LRP2: variants seen among roughly 807,000 people sequenced by gnomAD.
LRP2 encodes the protein low-density lipoprotein receptor-related protein 2.
In LRP2, 172 loss-of-function variants were observed where a neutral mutation model predicts 531.0. That is an observed-to-expected ratio of 0.32 (90% CI 0.29 to 0.37). The LOEUF (loss-of-function observed/expected upper bound fraction) is 0.37, where lower values mean the gene tolerates loss of function less well. LRP2 is among the 10% of genes least tolerant of loss of function. LRP2 has a pLI of 1.00. For missense variants in LRP2, 5,167 were observed against 5,868.3 expected (o/e 0.88, Z 3.90); for synonymous variants, 1,992 against 2,027.6 (o/e 0.98, Z 0.47).
chr2:169,245,168 C>A (rs1027955195), intron 21 of LRP2, among the ~76,000 whole-genome samples: 5 of 152,180 alleles, frequency 3.3e-5, no homozygotes, highest in African/African-American at 1.2e-4. Flanking sequence ...CATATAAGTT[C>A]TCTTTAAATC....
chr2:169,186,048 C>A (rs906330106), intron 49 of LRP2, 29 bp from the exon 50 acceptor site: 1 of 1,604,580 alleles, frequency 6.2e-7, no homozygotes, highest in South Asian at 1.1e-5. Flanking sequence ...TCTTAGAGAT[C>A]CTAAAATATC....
chr2:169,197,785 C>T (rs149627025), intron 45 of LRP2, among the ~76,000 whole-genome samples: 295 of 152,292 alleles, frequency 1.9e-3, no homozygotes, highest in African/African-American at 6.4e-3. Context: ...CTGGTGGCTG[C>T]AACCTGAATT....
chr2:169,142,867 C>T, intron 70 of LRP2, 74 bp from the exon 71 acceptor site: 3 of 1,577,016 alleles, frequency 1.9e-6, no homozygotes, highest in Non-Finnish European at 2.6e-6. Flanking sequence ...CTGGAAGTGG[C>T]TCTGCCAGGT....
intron 3 of LRP2, among the ~76,000 whole-genome samples, chr2:169,310,785 C>T (rs1559069423): frequency 6.6e-6 from 1 of 152,178 alleles, no homozygotes; most frequent in Non-Finnish European, 1.5e-5. Context: ...GGTACCAGCT[C>T]CTCCTTGTAC....
At chr2:169,139,677 C>T in intron 72 of LRP2, 67 bp from the exon 73 acceptor site, 1 of 1,357,294 alleles carries the variant, frequency 7.4e-7, no homozygotes, top group Non-Finnish European at 1.1e-6. Context: ...TTTTTCTGAG[C>T]ACATCCTGAA....
intron 29 of LRP2, among the ~76,000 whole-genome samples, chr2:169,233,963 C>G (rs1037847965): frequency 6.6e-6 from 1 of 152,176 alleles, no homozygotes; most frequent in Non-Finnish European, 1.5e-5. Context: ...CCCACTCCCA[C>G]GCCCCAGCCT....
In LRP2 at chr2:169,278,433, G is replaced by A. The variant is rs1167685121; in HGVS notation, c.1566-482C>T. 2.0e-5 allele frequency among the ~76,000 whole-genome samples: 3 copies of A among 151,906 alleles called. No individual in the cohort carries two copies. In the East Asian group the frequency reaches 5.8e-4, roughly 29 times the overall value. On this transcript the variant is annotated intron_variant, in intron 12 of 78. Transcript: ENST00000649046. ...CAGAAGTTCAAGTCTGCGGCACGCTGTGATTGTGCTGCTGCACTCCAGCCT... is the reference window on the plus strand; with the variant it reads ...CAGAAGTTCAAGTCTGCGGCACGCTATGATTGTGCTGCTGCACTCCAGCCT...
intron 1 of LRP2, among the ~76,000 whole-genome samples, chr2:169,354,575 T>C (rs529624402): frequency 1.3e-5 from 2 of 152,338 alleles, no homozygotes; most frequent in South Asian, 4.1e-4. Flanking sequence ...AAGACTTACA[T>C]TTCTTTGCAC....
intron 40 of LRP2, among the ~76,000 whole-genome samples, 176 bp from the exon 41 acceptor site, chr2:169,205,813 C>T (rs111495837): frequency 2.0e-5 from 3 of 152,008 alleles, no homozygotes; most frequent in Non-Finnish European, 2.9e-5. Context: ...TGTTGACTTC[C>T]TAGTATGTTG....
chr2:169,234,324 G>A (rs140688245), intron 29 of LRP2, among the ~76,000 whole-genome samples: 2,786 of 152,040 alleles, frequency 0.018, 87 homozygotes, highest in African/African-American at 0.064. Context: ...AGGCCCCGGT[G>A]TGTGATGTTC....
In LRP2 at chr2:169,290,799, G is replaced by GA. The variant is rs1438462254; in HGVS notation, c.922+45dup. 1.9e-6 allele frequency: 3 copies of GA among 1,599,270 alleles called. No homozygotes were observed. The Admixed American group carries it at 5.0e-5, about 27-fold the overall frequency. ...ATTTGAACGTCTGTTCTAGAAAACA[G>GA]AAATATCTTTATCTGAAAGCTACCC... On this transcript the variant is annotated intron_variant, in intron 8 of 78. Coordinates refer to ENST00000649046, the MANE Select transcript of LRP2 (RefSeq NM_004525.3).
intron 1 of LRP2, among the ~76,000 whole-genome samples, chr2:169,342,801 A>T (rs538456141): frequency 3.0e-4 from 45 of 152,342 alleles, no homozygotes; most frequent in African/African-American, 9.1e-4. Context: ...GCTTGCAATA[A>T]ACGTGTGTGA....
chr2:169,200,250 C>CA (rs1390585481), intron 44 of LRP2, among the ~76,000 whole-genome samples: 3 of 151,820 alleles, frequency 2.0e-5, no homozygotes, highest in Admixed American at 6.6e-5. Flanking sequence ...GACTCCATCT[C>CA]AAAAAAATAA....
chr2:169,213,657 T>C lies in LRP2; in HGVS notation c.6040A>G (p.Asn2014Asp), dbSNP rs1688676017. The C allele has an allele frequency of 1.2e-6, 2 of 1,610,824 alleles. No individual in the cohort carries two copies. Among genetic ancestry groups the C allele is most frequent in the African/African-American group, 1.3e-5 (1 of 74,814 alleles). ...ATGTATTTCAGTGACAAATACTTAC[T>C]GCGTCTGTGATAAACTTGAAGACCC... ...LRGLQVYHRR[N>D]AAESSNGCSN... is the part of the protein sequence containing the mutation. Residue 2014 changes from asparagine (N) to aspartate (D), a missense_variant and splice_region_variant, in exon 36 of 79, where the codon AAT becomes GAT. Asn to Asp is a conservative substitution (Grantham distance 23). Around this residue, in one of 6 missense-constraint regions of LRP2, gnomAD observed 2,811 missense variants for 3,058.0 expected, o/e 0.92. Transcript: ENST00000649046.
intron 16 of LRP2, among the ~76,000 whole-genome samples, chr2:169,261,648 C>T (rs1028669058): frequency 5.3e-5 from 8 of 152,010 alleles, no homozygotes; most frequent in Non-Finnish European, 1.2e-4. Flanking sequence ...GATTCACAGC[C>T]GAATTCTACC....
intron 3 of LRP2, among the ~76,000 whole-genome samples, chr2:169,312,926 T>G (rs140164327): frequency 0.059 from 9,060 of 152,314 alleles, 374 homozygotes; most frequent in Non-Finnish European, 0.088. Context: ...TTCTCTAAAC[T>G]GCTCTTCTCA....
intron 1 of LRP2, among the ~76,000 whole-genome samples, chr2:169,361,377 C>CCT (rs776760493): frequency 9.6e-5 from 5 of 52,296 alleles, no homozygotes; most frequent in East Asian, 1.2e-3. Flanking sequence ...TCTCTCTCTC[C>CCT]CTCTCTCTCT....
At chr2:169,210,242 G>A (rs922640453) in intron 37 of LRP2, among the ~76,000 whole-genome samples, 1 of 152,076 alleles carries the variant, frequency 6.6e-6, no homozygotes, top group African/African-American at 2.4e-5. Context: ...TGGGTAAAAG[G>A]TGCTTGGGAG....
rs144292380 is a variant in LRP2 at position 169,128,750 on chromosome 2, C to T, written c.13881G>A (p.Ser4627=). ...AATAGGTTGGAGTTGGGTCTCTTCT[C>T]GAAGGAGGCTTAGGCTTAGCAGGGA... ...PSLPAKPKPP[S]RRDPTPTYSA... The change falls in exon 79 of 79, where the codon TCG becomes TCA. Residue 4627 remains serine, a synonymous_variant. Coordinates refer to ENST00000649046, the MANE Select transcript of LRP2 (RefSeq NM_004525.3). 27 of 1,614,058 alleles carry T rather than the reference C, an allele frequency of 1.7e-5. No individual in the cohort carries two copies. The African/African-American group carries it at 2.0e-4, about 12-fold the overall frequency.
Sources: allele counts gnomAD v4.1 joint callset (sites outside exome capture counted in the v4.1 genomes callset), GRCh38; gene constraint gnomAD v4.1.1; regional missense constraint gnomAD v4.1.1; transcripts MANE v1.5; gene names NCBI Gene and HGNC (gene_info 2026-07-23, HGNC 2026-07-21).